The following PAN3 variants were observed in gnomAD, a reference collection of about 807,000 sequenced individuals.
The protein encoded by PAN3 is poly(A) specific ribonuclease subunit PAN3.
PAN3 carries 19 observed loss-of-function variants against 96.2 expected under a neutral mutation model. The observed-to-expected ratio is 0.20, with a 90% confidence interval of 0.14 to 0.29. PAN3 has a LOEUF of 0.29. Ranked by LOEUF, PAN3 falls within the 10% of genes least tolerant of loss-of-function variation. PAN3 has a pLI of 1.00. For synonymous variants in PAN3, 433 were observed against 406.6 expected (o/e 1.06, Z -0.78); for missense variants, 882 against 1,108.1 (o/e 0.80, Z 2.90).
chr13:28,162,741 G>A (rs1305313342), intron 1 of PAN3, among the ~76,000 whole-genome samples: 1 of 151,668 alleles, frequency 6.6e-6, no homozygotes, highest in East Asian at 1.9e-4. Flanking sequence ...TACTTTGAGG[G>A]GCCAAGGAGG....
At chr13:28,262,267 C>A (rs1252704250) in intron 9 of PAN3, among the ~76,000 whole-genome samples, 1 of 152,290 alleles carries the variant, frequency 6.6e-6, no homozygotes, top group East Asian at 1.9e-4. Flanking sequence ...AACTGTACCA[C>A]AATATTTCTT....
At chr13:28,174,767 C>T (rs1874745932) in intron 2 of PAN3, among the ~76,000 whole-genome samples, 1 of 152,156 alleles carries the variant, frequency 6.6e-6, no homozygotes, top group Non-Finnish European at 1.5e-5. Context: ...CTCGTCACTA[C>T]TCATCACTTT....
intron 1 of PAN3, among the ~76,000 whole-genome samples, chr13:28,141,246 C>T (rs1381692264): frequency 6.6e-6 from 1 of 151,890 alleles, no homozygotes; most frequent in East Asian, 1.9e-4. Flanking sequence ...CTCAGGTGAT[C>T]GTCCCGCCTC....
intron 6 of PAN3, among the ~76,000 whole-genome samples, chr13:28,246,775 G>C (rs765749913): frequency 5.3e-5 from 8 of 151,996 alleles, no homozygotes; most frequent in Admixed American, 6.6e-5. Flanking sequence ...TTTTATGACT[G>C]AAGAATATTC....
intron 4 of PAN3, among the ~76,000 whole-genome samples, chr13:28,188,250 A>AT (rs11405901): frequency 0.39 from 59,202 of 151,656 alleles, 13,187 homozygotes; most frequent in African/African-American, 0.62. Context: ...ATAAGCCTGC[A>AT]TTTTTTTTGC....
At chr13:28,207,545 C>T (rs1366630966) in intron 5 of PAN3, among the ~76,000 whole-genome samples, 1 of 152,158 alleles carries the variant, frequency 6.6e-6, no homozygotes, top group East Asian at 1.9e-4. Flanking sequence ...GTTCCATGTT[C>T]TTGCTTCTCC....
At chr13:28,235,688 C>CACACAT (rs1555285739) in intron 6 of PAN3, among the ~76,000 whole-genome samples, 10 of 102,250 alleles carry the variant, frequency 9.8e-5, no homozygotes, top group Admixed American at 8.2e-4. Context: ...AATATACACA[C>CACACAT]ACACACATAC....
At chr13:28,282,959 A>G (rs2138729977) in intron 17 of PAN3, among the ~76,000 whole-genome samples, 1 of 152,186 alleles carries the variant, frequency 6.6e-6, no homozygotes, top group East Asian at 1.9e-4. Flanking sequence ...GAGTTTTTTT[A>G]GTCTTGCAAG....
At chr13:28,242,621 G>A (rs995503971) in intron 6 of PAN3, among the ~76,000 whole-genome samples, 12 of 152,190 alleles carry the variant, frequency 7.9e-5, no homozygotes, top group African/African-American at 2.9e-4. Flanking sequence ...TGAGGTTGAG[G>A]TTTAGAGTAT....
At chr13:28,217,744 C>A (rs1880966763) in intron 5 of PAN3, among the ~76,000 whole-genome samples, 1 of 151,912 alleles carries the variant, frequency 6.6e-6, no homozygotes. Flanking sequence ...GAGTGCATAT[C>A]TGTATATTTT....
chr13:28,268,653 TCACGTTATTATG>T (rs763711475), intron 12 of PAN3, among the ~76,000 whole-genome samples: 1 of 152,164 alleles, frequency 6.6e-6, no homozygotes, highest in Non-Finnish European at 1.5e-5. Context: ...GAAAGCAGCA[TCACGTTATTATG>T]CTTTTTAATC....
chr13:28,283,315 C>G (rs941094452), intron 17 of PAN3, among the ~76,000 whole-genome samples: 1 of 152,118 alleles, frequency 6.6e-6, no homozygotes, highest in African/African-American at 2.4e-5. Context: ...TTCCAAAGTG[C>G]TAGGATTACA....
chr13:28,215,828 A>G, intron 5 of PAN3: 2 of 1,384,016 alleles, frequency 1.4e-6, no homozygotes, highest in Non-Finnish European at 2.0e-6. Flanking sequence ...TCATCAAAGC[A>G]GTGGACAAGA....
At chr13:28,277,401 G>A (rs1462726548) in intron 15 of PAN3, 25 bp downstream of exon 15, 3 of 1,590,734 alleles carry the variant, frequency 1.9e-6, no homozygotes, top group Admixed American at 1.8e-5. Context: ...ATGATAAATT[G>A]TACAGAATGA....
intron 14 of PAN3, among the ~76,000 whole-genome samples, chr13:28,276,255 T>G (rs1226626250): frequency 1.3e-5 from 2 of 152,234 alleles, no homozygotes; most frequent in Non-Finnish European, 2.9e-5. Flanking sequence ...GCTTGAAAAT[T>G]CCTTATAATA....
intron 9 of PAN3, among the ~76,000 whole-genome samples, chr13:28,263,708 A>G (rs1885924818): frequency 6.6e-6 from 1 of 152,226 alleles, no homozygotes; most frequent in African/African-American, 2.4e-5. Flanking sequence ...TCAACTTCAA[A>G]TAGATTAAGA....
chr13:28,153,298 C>T (rs1479171448), intron 1 of PAN3, among the ~76,000 whole-genome samples: 10 of 141,308 alleles, frequency 7.1e-5, no homozygotes, highest in Non-Finnish European at 1.2e-4. Flanking sequence ...TGCAATGGCG[C>T]GATCTCGGCT....
intron 4 of PAN3, among the ~76,000 whole-genome samples, chr13:28,190,192 G>A (rs1009763195): frequency 6.6e-5 from 10 of 152,112 alleles, no homozygotes; most frequent in Admixed American, 5.9e-4. Context: ...TGATCCGCCC[G>A]CGTCGGCCTC....
chr13:28,203,222 C>T (rs756329493), intron 5 of PAN3, among the ~76,000 whole-genome samples: 2 of 151,946 alleles, frequency 1.3e-5, no homozygotes, highest in Non-Finnish European at 2.9e-5. Flanking sequence ...CAGGTGTGAG[C>T]TGCCATGCCT....
Sources: gnomAD v4.1 joint callset for allele counts (sites outside exome capture counted in the v4.1 genomes callset) on GRCh38, gnomAD v4.1.1 for gene constraint, MANE v1.5 for transcripts, NCBI Gene and HGNC (gene_info 2026-07-23, HGNC 2026-07-21) for gene names.